SLC9A9: variants seen among roughly 807,000 people sequenced by gnomAD.
The protein encoded by SLC9A9 is sodium/hydrogen exchanger 9.
SLC9A9 carries 62 observed loss-of-function variants against 77.8 expected under a neutral mutation model. The observed-to-expected ratio is 0.80, with a 90% CI of 0.65 to 0.98. The LOEUF is 0.98. Ranked by LOEUF, SLC9A9 falls within the 50% of genes least tolerant of loss-of-function variation. The pLI, the probability that SLC9A9 is intolerant of heterozygous loss-of-function variation, is 0.00. For synonymous variants in SLC9A9, 320 were observed against 283.5 expected (o/e 1.13, Z -1.29); for missense variants, 775 against 774.9 (o/e 1.00, Z 0.00).
intron 9 of SLC9A9, among the ~76,000 whole-genome samples, chr3:143,535,546 T>C (rs928753404): frequency 2.6e-5 from 4 of 152,190 alleles, no homozygotes; most frequent in African/African-American, 9.7e-5. Flanking sequence ...TAGGATTTTC[T>C]TTATCTATTA....
chr3:143,562,042 GA>G (rs2037096943), intron 8 of SLC9A9, among the ~76,000 whole-genome samples: 1 of 152,178 alleles, frequency 6.6e-6, no homozygotes. Flanking sequence ...AGACTTACAT[GA>G]GTGAGTTTGG....
At chr3:143,818,910 T>C (rs1317215598) in intron 2 of SLC9A9, among the ~76,000 whole-genome samples, 2 of 151,934 alleles carry the variant, frequency 1.3e-5, no homozygotes, top group Non-Finnish European at 2.9e-5. Flanking sequence ...AGAGAAACTC[T>C]GTCTCTACTA....
intron 1 of SLC9A9, among the ~76,000 whole-genome samples, chr3:143,844,094 A>G (rs1348442766): frequency 6.6e-6 from 1 of 152,190 alleles, no homozygotes; most frequent in Non-Finnish European, 1.5e-5. Flanking sequence ...GATTATTTAT[A>G]CTATTTGGAG....
chr3:143,271,590 T>G (rs1937900602), intron 14 of SLC9A9, among the ~76,000 whole-genome samples: 3 of 152,226 alleles, frequency 2.0e-5, no homozygotes, highest in Non-Finnish European at 4.4e-5. Context: ...GCTCCAGTCA[T>G]TTGGTGTAGC....
chr3:143,465,061 C>A (rs1576515887), intron 12 of SLC9A9, among the ~76,000 whole-genome samples: 1 of 152,224 alleles, frequency 6.6e-6, no homozygotes, highest in Admixed American at 6.5e-5. Flanking sequence ...CACAGTCCTG[C>A]CTTTACTCAT....
intron 9 of SLC9A9, among the ~76,000 whole-genome samples, chr3:143,537,552 T>G (rs1231020477): frequency 6.6e-6 from 1 of 152,246 alleles, no homozygotes; most frequent in Non-Finnish European, 1.5e-5. Context: ...AAGCTCCATC[T>G]TTGACTGTCT....
intron 14 of SLC9A9, among the ~76,000 whole-genome samples, chr3:143,308,635 G>C (rs1211158235): frequency 6.6e-6 from 1 of 151,976 alleles, no homozygotes; most frequent in Non-Finnish European, 1.5e-5. Context: ...CTAAGCATGG[G>C]GCCCTTCTGA....
At chr3:143,640,019 C>CTTTTTTTTTT (rs10575577) in intron 6 of SLC9A9, among the ~76,000 whole-genome samples, 628 of 124,038 alleles carry the variant, frequency 5.1e-3, no homozygotes, top group Non-Finnish European at 6.5e-3. Flanking sequence ...CTTTTTTTTT[C>CTTTTTTTTTT]TTTTTTTTTT....
chr3:143,339,384 G>A (rs2032023678), intron 14 of SLC9A9, among the ~76,000 whole-genome samples: 1 of 152,128 alleles, frequency 6.6e-6, no homozygotes, highest in Non-Finnish European at 1.5e-5. Flanking sequence ...GTGGCTGGAG[G>A]AAGAAATGCA....
intron 6 of SLC9A9, among the ~76,000 whole-genome samples, chr3:143,648,937 G>C (rs1019104582): frequency 6.6e-6 from 1 of 152,176 alleles, no homozygotes; most frequent in African/African-American, 2.4e-5. Context: ...GAAGTTGAGC[G>C]AAGAAAGATT....
intron 12 of SLC9A9, among the ~76,000 whole-genome samples, chr3:143,393,297 C>G (rs1025057464): frequency 6.6e-6 from 1 of 152,214 alleles, no homozygotes; most frequent in African/African-American, 2.4e-5. Flanking sequence ...TTAAGAAACT[C>G]ACTCAAAACC....
rs1171885847 is a variant in SLC9A9 at position 143,795,081 on chromosome 3, G to T, written c.457-4C>A. On this transcript the variant is annotated splice_polypyrimidine_tract_variant and splice_region_variant and intron_variant, in intron 3 of 15. Coordinates refer to ENST00000316549, the MANE Select transcript of SLC9A9 (RefSeq NM_173653.4). ...CTAAGTTTTGAAAAAAGTGTCTCTGGGGAGAAAAAAAGATATTTAATAGAG... is the reference window on the plus strand; with the variant it reads ...CTAAGTTTTGAAAAAAGTGTCTCTGTGGAGAAAAAAAGATATTTAATAGAG... 1.9e-6 allele frequency: 3 copies of T among 1,611,438 alleles called. No homozygotes were observed. Among genetic ancestry groups the T allele is most frequent in the Non-Finnish European group, 1.7e-6 (2 of 1,178,596 alleles).
intron 9 of SLC9A9, among the ~76,000 whole-genome samples, chr3:143,523,091 G>A (rs1327246588): frequency 6.6e-6 from 1 of 152,076 alleles, no homozygotes; most frequent in Non-Finnish European, 1.5e-5. Flanking sequence ...AAGAGAAAAT[G>A]TCAATAATTA....
intron 2 of SLC9A9, among the ~76,000 whole-genome samples, chr3:143,821,277 A>G (rs1320599364): frequency 6.6e-6 from 1 of 152,258 alleles, no homozygotes; most frequent in East Asian, 1.9e-4. Flanking sequence ...ATGTTATGGA[A>G]GGAGAAAAGG....
intron 13 of SLC9A9, among the ~76,000 whole-genome samples, chr3:143,377,772 G>T (rs552359621): frequency 6.6e-6 from 1 of 152,304 alleles, no homozygotes; most frequent in African/African-American, 2.4e-5. Context: ...AAACCATCAA[G>T]GGTGTCTATC....
intron 14 of SLC9A9, among the ~76,000 whole-genome samples, chr3:143,279,855 CTCT>C (rs1420315503): frequency 6.6e-6 from 1 of 152,180 alleles, no homozygotes; most frequent in East Asian, 1.9e-4. Context: ...CAGGGTCTTG[CTCT>C]GTCACTAGGC....
At chr3:143,535,046 T>C (rs997677425) in intron 9 of SLC9A9, among the ~76,000 whole-genome samples, 6 of 152,204 alleles carry the variant, frequency 3.9e-5, no homozygotes, top group African/African-American at 1.4e-4. Context: ...ATGAATCATA[T>C]ACATGTTTGG....
chr3:143,620,563 T>G (rs2038187935), intron 6 of SLC9A9: 2 of 151,924 alleles, frequency 1.3e-5, no homozygotes, highest in African/African-American at 4.8e-5. Flanking sequence ...TCAGGCAGAC[T>G]CAGCAAGAAC....
intron 5 of SLC9A9, among the ~76,000 whole-genome samples, chr3:143,667,283 G>A (rs2039084741): frequency 6.6e-6 from 1 of 152,170 alleles, no homozygotes; most frequent in Admixed American, 6.5e-5. Flanking sequence ...GCCATATGTA[G>A]AAAGCTGAAA....
Sources: allele counts gnomAD v4.1 joint callset (sites outside exome capture counted in the v4.1 genomes callset), GRCh38; gene constraint gnomAD v4.1.1; transcripts MANE v1.5; gene names NCBI Gene and HGNC (gene_info 2026-07-23, HGNC 2026-07-21).